Variants in KDM4C observed in about 807,000 individuals in gnomAD.
The protein encoded by KDM4C is lysine-specific demethylase 4C.
Under a neutral mutation model 129.3 loss-of-function variants are expected in KDM4C, and 81 were observed. The observed-to-expected ratio is 0.63, with a 90% CI of 0.52 to 0.75. KDM4C has a LOEUF of 0.75. Among genes scored for constraint, KDM4C ranks in the 30% least tolerant of loss-of-function variants. The pLI, the probability that KDM4C is intolerant of heterozygous loss-of-function variation, is 0.00. For missense variants in KDM4C, 1,457 were observed against 1,304.0 expected (o/e 1.12, Z -1.81); for synonymous variants, 573 against 456.1 (o/e 1.26, Z -3.26).
At chr9:7,114,884 G>C (rs1838725302) in intron 18 of KDM4C, among the ~76,000 whole-genome samples, 1 of 152,098 alleles carries the variant, frequency 6.6e-6, no homozygotes, top group African/African-American at 2.4e-5. Context: ...GGCGATATCA[G>C]CCTGGGCAAC....
At chr9:6,889,251 G>GTGTGTGT (rs61683546) in intron 7 of KDM4C, among the ~76,000 whole-genome samples, 1 of 137,870 alleles carries the variant, frequency 7.3e-6, no homozygotes, top group African/African-American at 2.8e-5. Context: ...GTGTGTGTGT[G>GTGTGTGT]GGAGGGTGGG....
At chr9:7,114,294 A>G (rs1018866809) in intron 18 of KDM4C, among the ~76,000 whole-genome samples, 1 of 152,202 alleles carries the variant, frequency 6.6e-6, no homozygotes, top group Non-Finnish European at 1.5e-5. Context: ...CCTGTCAGCT[A>G]GGAATTCATG....
intron 1 of KDM4C, among the ~76,000 whole-genome samples, chr9:6,787,644 C>G (rs770676159): frequency 6.6e-6 from 1 of 152,228 alleles, no homozygotes; most frequent in South Asian, 2.1e-4. Flanking sequence ...GAGCATTTCC[C>G]TCTGCCCATC....
intron 8 of KDM4C, among the ~76,000 whole-genome samples, chr9:6,959,123 A>G (rs1829607739): frequency 6.6e-6 from 1 of 152,146 alleles, no homozygotes; most frequent in South Asian, 2.1e-4. Flanking sequence ...CAGTGAACAA[A>G]TGACTTAGCT....
At chr9:7,039,593 C>T (rs1828216456) in intron 15 of KDM4C, among the ~76,000 whole-genome samples, 1 of 152,004 alleles carries the variant, frequency 6.6e-6, no homozygotes, top group African/African-American at 2.4e-5. Flanking sequence ...TAATAGCTTA[C>T]TGTTTACTGG....
At chr9:7,041,536 A>G (rs904408419) in intron 15 of KDM4C, among the ~76,000 whole-genome samples, 47 of 117,440 alleles carry the variant, frequency 4.0e-4, no homozygotes, top group African/African-American at 1.1e-3. Context: ...TATCTTGATC[A>G]TAAATGATTT....
intron 2 of KDM4C, among the ~76,000 whole-genome samples, chr9:6,794,901 C>T (rs1185392835): frequency 2.6e-5 from 4 of 152,102 alleles, no homozygotes; most frequent in Admixed American, 1.3e-4. Flanking sequence ...TATAATTCAT[C>T]GTCCAACTTG....
rs1431598341 is a variant in KDM4C at position 7,097,469 on chromosome 9, ACT to A, written c.2425-6212_2425-6211del. 7.9e-5 allele frequency among the ~76,000 whole-genome samples: 12 copies of A among 151,948 alleles called. No homozygotes were observed. In the East Asian group the frequency reaches 1.2e-3, roughly 15 times the overall value. ...AGTGGTGCAGAGGTGAGCTGCCTAC[ACT>A]CTCCTGCCACATCATGGGCTCCTCC... is the stretch of plus-strand genomic sequence containing the variant. On this transcript the variant is annotated intron_variant, in intron 17 of 21. Transcript: ENST00000381309.
intron 17 of KDM4C, chr9:7,076,765 A>G: frequency 9.0e-7 from 1 of 1,108,928 alleles, no homozygotes; most frequent in Non-Finnish European, 1.1e-6. Flanking sequence ...TACTTTCTGT[A>G]TCCTAGAGTT....
chr9:7,055,737 T>G (rs769054165), intron 17 of KDM4C, among the ~76,000 whole-genome samples: 3 of 152,202 alleles, frequency 2.0e-5, no homozygotes, highest in African/African-American at 7.2e-5. Context: ...AACTGACTCA[T>G]GTTATCAGAT....
intron 12 of KDM4C, among the ~76,000 whole-genome samples, chr9:7,006,568 A>C (rs1093708): frequency 0.17 from 25,469 of 151,922 alleles, 2,203 homozygotes; most frequent in Middle Eastern, 0.22. Flanking sequence ...CTGAGAAGGG[A>C]GGGTTGTAAG....
rs546556436 is a variant in KDM4C at position 7,172,200 on chromosome 9, C to G, written c.2994+2310C>G. Among the ~76,000 whole-genome samples, 133 of 152,152 alleles carry G rather than the reference C, an allele frequency of 8.7e-4. 1 individual carries two copies. Among genetic ancestry groups the G allele is most frequent in the African/African-American group, 2.9e-3 (119 of 41,496 alleles). On this transcript the variant is annotated intron_variant, in intron 21 of 21. Coordinates refer to ENST00000381309, the MANE Select transcript of KDM4C (RefSeq NM_015061.6). ...AGGTTAGCCGCCCTTGTCAGGAGGC[C>G]TTGTATTTTAATGACTTCGGCTCAC...
chr9:6,996,378 C>G (rs1044459556), intron 12 of KDM4C, among the ~76,000 whole-genome samples: 10 of 152,184 alleles, frequency 6.6e-5, no homozygotes, highest in African/African-American at 2.4e-4. Context: ...ATTGTTTGTT[C>G]TTTGAAGCTT....
intron 15 of KDM4C, among the ~76,000 whole-genome samples, chr9:7,039,816 G>T (rs1281079171): frequency 6.6e-6 from 1 of 152,004 alleles, no homozygotes; most frequent in Non-Finnish European, 1.5e-5. Flanking sequence ...GAGGATGAGG[G>T]GTTGGCCCAG....
intron 6 of KDM4C, among the ~76,000 whole-genome samples, chr9:6,885,620 CA>C (rs35373004): frequency 0.21 from 28,067 of 135,714 alleles, 3,108 homozygotes; most frequent in Middle Eastern, 0.42. Flanking sequence ...TTAAAAAAGA[CA>C]AAAAAAAAAA....
chr9:6,836,504 A>C (rs1835905921), intron 4 of KDM4C, among the ~76,000 whole-genome samples: 1 of 152,218 alleles, frequency 6.6e-6, no homozygotes, highest in African/African-American at 2.4e-5. Context: ...CTACAACATT[A>C]ACAGCACTGC....
chr9:6,917,142 C>A (rs1204399400), intron 8 of KDM4C, among the ~76,000 whole-genome samples: 1 of 152,098 alleles, frequency 6.6e-6, no homozygotes, highest in Non-Finnish European at 1.5e-5. Flanking sequence ...AATTGCAGGG[C>A]TGTGGGAGAG....
intron 8 of KDM4C, among the ~76,000 whole-genome samples, chr9:6,975,454 G>T (rs1832758968): frequency 6.6e-6 from 1 of 152,150 alleles, no homozygotes; most frequent in Admixed American, 6.5e-5. Context: ...CAGTAGATTG[G>T]GTAAGAGTGT....
At chr9:6,937,266 C>T (rs1481979741) in intron 8 of KDM4C, among the ~76,000 whole-genome samples, 2 of 152,132 alleles carry the variant, frequency 1.3e-5, no homozygotes, top group East Asian at 3.8e-4. Context: ...TTGTCATTCA[C>T]ATTTAAAGTT....
Sources: allele counts gnomAD v4.1 joint callset (sites outside exome capture counted in the v4.1 genomes callset), GRCh38; gene constraint gnomAD v4.1.1; transcripts MANE v1.5; gene names NCBI Gene and HGNC (gene_info 2026-07-23, HGNC 2026-07-21).